Variants in RSAD2 observed in about 807,000 individuals in gnomAD.
The protein encoded by RSAD2 is S-adenosylmethionine-dependent nucleotide dehydratase RSAD2.
A neutral mutation model predicts 37.7 loss-of-function variants in RSAD2; 38 were observed. That is an observed-to-expected ratio of 1.01 (90% CI 0.78 to 1.32). The LOEUF (loss-of-function observed/expected upper bound fraction) is 1.32, where lower values mean the gene tolerates loss of function less well. RSAD2 is among the 40% of genes most tolerant of loss of function. The pLI is 0.00. For synonymous variants in RSAD2, 163 were observed against 157.4 expected (o/e 1.04, Z -0.27); for missense variants, 428 against 437.5 (o/e 0.98, Z 0.19).
At chr2:6,882,622 A>C (rs1192481046) in intron 1 of RSAD2, among the ~76,000 whole-genome samples, 3 of 152,200 alleles carry the variant, frequency 2.0e-5, no homozygotes, top group Non-Finnish European at 4.4e-5. Context: ...TTTCTTTATA[A>C]CATAAAGAGC....
chr2:6,896,893 G>A lies in RSAD2; in HGVS notation c.*951G>A, dbSNP rs1000619130. 1 of 152,228 alleles carries A rather than the reference G, an allele frequency of 6.6e-6. No homozygotes were observed. The highest frequency in any genetic ancestry group is 6.5e-5 in the Admixed American group (1 of 15,276). 9.4% of individuals were successfully genotyped at this position (152,228 alleles called of 1,614,324 possible). A position where few individuals can be genotyped will look rare whatever the true frequency, so the allele number is the denominator to read the frequency against. On this transcript the variant is annotated 3_prime_UTR_variant, in exon 6 of 6. Coordinates refer to ENST00000382040, the MANE Select transcript of RSAD2 (RefSeq NM_080657.5). The stretch of plus-strand genomic sequence containing the variant: ...GGCTGTCAAGCAAAAGAATAGGAGT[G>A]TAGTTGAGTAGCTGGTTGGCCCTAC...
Position 6,897,595 on chromosome 2 carries a change from G to A in RSAD2, c.*1653G>A, listed in dbSNP as rs1227148348. 1 of 152,204 alleles carries A rather than the reference G, an allele frequency of 6.6e-6. No individual in the cohort carries two copies. Among genetic ancestry groups the A allele is most frequent in the African/African-American group, 2.4e-5 (1 of 41,464 alleles). The allele number at this position is 152,204 out of a possible 1,614,324, so 9.4% of individuals were successfully genotyped here. ...TATTTACTTTTTTTGTAAGAAAAGA[G>A]AAAAATGAATTCTAAAGATGTTCCC... On this transcript the variant is annotated 3_prime_UTR_variant, in exon 6 of 6. Coordinates refer to ENST00000382040, the MANE Select transcript of RSAD2 (RefSeq NM_080657.5).
intron 5 of RSAD2, 38 bp from the exon 6 acceptor site, chr2:6,895,740 A>G (rs939056355): frequency 6.4e-7 from 1 of 1,574,402 alleles, no homozygotes; most frequent in Non-Finnish European, 8.7e-7. Flanking sequence ...AGGATTCATC[A>G]CATGGAAATA....
At chr2:6,883,961 C>G (rs548643690) in intron 2 of RSAD2, 8 of 161,156 alleles carry the variant, frequency 5.0e-5, no homozygotes, top group Non-Finnish European at 6.8e-5. Flanking sequence ...CCAAGGGATT[C>G]CACCATGTAG....
intron 3 of RSAD2, among the ~76,000 whole-genome samples, chr2:6,888,735 G>A (rs1216587885): frequency 6.6e-6 from 1 of 152,170 alleles, no homozygotes; most frequent in East Asian, 1.9e-4. Context: ...GCTAGTTTCT[G>A]CCTGTTTGGA....
At chr2:6,870,629 G>A (rs371871899) in intron 1 of RSAD2, among the ~76,000 whole-genome samples, 4 of 152,174 alleles carry the variant, frequency 2.6e-5, no homozygotes, top group African/African-American at 9.7e-5. Context: ...CCCCCATCTA[G>A]ACTGCAAAGG....
chr2:6,895,345 T>C (rs187333985), intron 5 of RSAD2, among the ~76,000 whole-genome samples: 3 of 152,362 alleles, frequency 2.0e-5, no homozygotes, highest in Admixed American at 2.0e-4. Context: ...TGCATGCACA[T>C]CATTACTATT....
rs991806486 is a variant in RSAD2, at chr2:6,895,952, T to C, written c.*10T>C. 10 of 1,612,014 alleles carry C rather than the reference T, an allele frequency of 6.2e-6. No homozygotes were observed. The highest frequency in any genetic ancestry group is 6.8e-6 in the Non-Finnish European group (8 of 1,178,610). ...GAAGCTGGATTGGTAGAGCGGAAAG[T>C]GGAACGAGACTTCAACACACCAGTG... On this transcript the variant is annotated 3_prime_UTR_variant, in exon 6 of 6. Transcript: ENST00000382040.
chr2:6,884,646 G>A (rs1481959575), intron 2 of RSAD2, among the ~76,000 whole-genome samples: 4 of 152,268 alleles, frequency 2.6e-5, no homozygotes, highest in African/African-American at 9.6e-5. Flanking sequence ...CAGGCTTGTG[G>A]GAGAAAGTGG....
chr2:6,888,925 A>T (rs908881052), intron 3 of RSAD2, among the ~76,000 whole-genome samples: 11 of 152,202 alleles, frequency 7.2e-5, no homozygotes, highest in African/African-American at 2.4e-4. Context: ...GACAACAGCA[A>T]TGAGCATGCG....
At chr2:6,870,716 T>A (rs1399863397) in intron 1 of RSAD2, among the ~76,000 whole-genome samples, 1 of 152,192 alleles carries the variant, frequency 6.6e-6, no homozygotes. Context: ...TGGAGAGGAC[T>A]TTCCCTGTTG....
At chr2:6,870,863 C>A (rs1469975556) in intron 1 of RSAD2, among the ~76,000 whole-genome samples, 4 of 152,212 alleles carry the variant, frequency 2.6e-5, no homozygotes, top group Admixed American at 2.0e-4. Flanking sequence ...TCAGTTCTTC[C>A]TATCTGGTCA....
intron 3 of RSAD2, among the ~76,000 whole-genome samples, chr2:6,889,931 C>T (rs1663597293): frequency 6.6e-6 from 1 of 152,142 alleles, no homozygotes; most frequent in East Asian, 1.9e-4. Flanking sequence ...ATTTATGACT[C>T]AATCAAACAT....
chr2:6,893,620 A>G, intron 4 of RSAD2, 51 bp from the exon 5 acceptor site: 2 of 1,433,286 alleles, frequency 1.4e-6, no homozygotes, highest in Admixed American at 1.7e-5. Context: ...TTGAGCTCAC[A>G]TACTGAGAAA....
At chr2:6,878,831 A>G in intron 1 of RSAD2, 1 of 1,216,290 alleles carries the variant, frequency 8.2e-7, no homozygotes, top group Non-Finnish European at 1.1e-6. Context: ...TACCTTCTCA[A>G]CTAGTAACTT....
intron 3 of RSAD2, among the ~76,000 whole-genome samples, chr2:6,889,055 G>T (rs987492822): frequency 6.6e-6 from 1 of 152,196 alleles, no homozygotes; most frequent in Non-Finnish European, 1.5e-5. Context: ...TCCCCTTCCA[G>T]CTCCTACGGC....
At chr2:6,881,158 T>C (rs1328093164) in intron 1 of RSAD2, among the ~76,000 whole-genome samples, 1 of 152,190 alleles carries the variant, frequency 6.6e-6, no homozygotes, top group Non-Finnish European at 1.5e-5. Context: ...CTTTCTCCAG[T>C]TTATCTGCCA....
At position 6,896,027 on chromosome 2, in the gene RSAD2, A is replaced by C; in HGVS notation, c.*85A>C. 1 of 1,360,676 alleles carries C rather than the reference A, an allele frequency of 7.3e-7. No individual in the cohort carries two copies. Among genetic ancestry groups the C allele is most frequent in the South Asian group, 1.5e-5 (1 of 67,676 alleles). The allele number at this position is 1,360,676 out of a possible 1,614,324, so 84.3% of individuals were successfully genotyped here. ...TTGTCTGCAATACTATCCCGTTGGT[A>C]TTTCCCAGTGGCTGAAAACCTGATT... On this transcript the variant is annotated 3_prime_UTR_variant, in exon 6 of 6. Transcript: ENST00000382040.
chr2:6,877,995 C>G lies in RSAD2; in HGVS notation c.195C>G (p.Asp65Glu). The change falls in exon 1 of 6, where the codon GAC becomes GAG. Residue 65 changes from aspartate to glutamate, a missense_variant. Asp to Glu is a conservative substitution (Grantham distance 45, BLOSUM62 2). Coordinates refer to ENST00000382040, the MANE Select transcript of RSAD2 (RefSeq NM_080657.5). ...ATGAGACCAAAGAGGAGGAAGAGGA[C>G]CCTCCTCTGCCCACCACCCCAACCA... Reference protein sequence around the residue: ...GPDETKEEEEDPPLPTTPTSV... With the variant: ...GPDETKEEEEEPPLPTTPTSV... 3 of 1,614,064 alleles carry G rather than the reference C, an allele frequency of 1.9e-6. No homozygotes were observed. Among genetic ancestry groups the G allele is most frequent in the South Asian group, 2.2e-5 (2 of 91,080 alleles).
Sources: gnomAD v4.1 joint callset for allele counts (sites outside exome capture counted in the v4.1 genomes callset) on GRCh38, gnomAD v4.1.1 for gene constraint, MANE v1.5 for transcripts, NCBI Gene and HGNC (gene_info 2026-07-23, HGNC 2026-07-21) for gene names.